The following KCNMA1 variants were observed in gnomAD, a reference collection of about 807,000 sequenced individuals.
KCNMA1 encodes potassium calcium-activated channel subfamily M alpha 1.
Under a neutral mutation model 140.0 loss-of-function variants are expected in KCNMA1, and 29 were observed. The ratio of observed to expected loss-of-function variants is 0.21; its 90% CI spans 0.15 to 0.28. The LOEUF (loss-of-function observed/expected upper bound fraction) is 0.28. Among genes scored for constraint, KCNMA1 ranks in the 10% least tolerant of loss-of-function variants. The pLI is 1.00. For synonymous variants in KCNMA1, 612 were observed against 611.9 expected (o/e 1.00, Z 0.00); for missense variants, 880 against 1,602.2 (o/e 0.55, Z 7.70).
chr10:77,436,994 ACAC>A (rs1566843486), intron 1 of KCNMA1, among the ~76,000 whole-genome samples: 68 of 126,712 alleles, frequency 5.4e-4, no homozygotes, highest in African/African-American at 1.1e-3. Context: ...ACACACACAC[ACAC>A]TCCTTCAGCC....
At chr10:77,550,991 C>T (rs553158634) in intron 1 of KCNMA1, among the ~76,000 whole-genome samples, 3 of 152,066 alleles carry the variant, frequency 2.0e-5, no homozygotes, top group Admixed American at 6.5e-5. Context: ...GTGGGAAGAA[C>T]GCTATTCCTA....
intron 1 of KCNMA1, among the ~76,000 whole-genome samples, chr10:77,546,259 T>G (rs1158778681): frequency 2.0e-5 from 3 of 151,920 alleles, no homozygotes; most frequent in African/African-American, 7.3e-5. Context: ...CTCCTCTTCC[T>G]CCTCATCCTC....
chr10:77,022,921 T>C (rs1323580287), intron 16 of KCNMA1: 2 of 455,238 alleles, frequency 4.4e-6, no homozygotes, highest in East Asian at 7.0e-5. Context: ...TATCCCAATA[T>C]GTAAACAGCC....
chr10:77,252,223 A>G (rs2154253017), intron 2 of KCNMA1, among the ~76,000 whole-genome samples: 1 of 152,346 alleles, frequency 6.6e-6, no homozygotes, highest in African/African-American at 2.4e-5. Flanking sequence ...TCCTCAGTAC[A>G]CATTCTACTT....
At chr10:77,414,350 T>C (rs979832985) in intron 1 of KCNMA1, among the ~76,000 whole-genome samples, 1 of 152,090 alleles carries the variant, frequency 6.6e-6, no homozygotes, top group South Asian at 2.1e-4. Context: ...TGCTCTCCCA[T>C]TCCCTGAGGA....
intron 2 of KCNMA1, among the ~76,000 whole-genome samples, chr10:77,278,005 T>C (rs958725994): frequency 6.6e-6 from 1 of 152,206 alleles, no homozygotes; most frequent in African/African-American, 2.4e-5. Context: ...GCAGCTCAAA[T>C]CCAAAAATGA....
chr10:77,467,637 G>A (rs754787891), intron 1 of KCNMA1, among the ~76,000 whole-genome samples: 12 of 152,214 alleles, frequency 7.9e-5, no homozygotes, highest in East Asian at 1.9e-4. Flanking sequence ...AAGCCAACTC[G>A]AGGTCAAGGT....
chr10:77,012,440 T>C (rs1237291863), intron 17 of KCNMA1: 5 of 1,549,590 alleles, frequency 3.2e-6, no homozygotes, highest in African/African-American at 2.7e-5. Context: ...CACAGTCTGG[T>C]CAAATATATA....
intron 1 of KCNMA1, among the ~76,000 whole-genome samples, chr10:77,479,490 G>T (rs2098342160): frequency 6.6e-6 from 1 of 152,180 alleles, no homozygotes; most frequent in South Asian, 2.1e-4. Flanking sequence ...CCTCCCCAAA[G>T]ACTCTCTGGC....
chr10:77,036,752 G>A (rs936538268), intron 15 of KCNMA1, among the ~76,000 whole-genome samples: 2 of 152,200 alleles, frequency 1.3e-5, no homozygotes, highest in East Asian at 3.9e-4. Context: ...TCTAATTACG[G>A]CTGTGCTTTA....
chr10:77,584,575 T>A (rs979557170), intron 1 of KCNMA1, among the ~76,000 whole-genome samples: 11 of 152,126 alleles, frequency 7.2e-5, no homozygotes, highest in Admixed American at 2.0e-4. Flanking sequence ...GCCAGGGTGG[T>A]CTCGATCTCT....
chr10:77,518,634 G>C (rs1380181714), intron 1 of KCNMA1, among the ~76,000 whole-genome samples: 1 of 152,212 alleles, frequency 6.6e-6, no homozygotes. Flanking sequence ...AGGCCTGGGT[G>C]TGGTGCCAGC....
rs2096178542 is a variant in KCNMA1 at position 77,070,886 on chromosome 10, A to AT, written c.1749+2210dup. ...CATCTCTATTTTAGCTGAGAAAAAT[A>AT]TATGAGGGGAAGGCTTGTGATTTCC... On this transcript the variant is annotated intron_variant, in intron 14 of 27. Transcript: ENST00000286628. Among the ~76,000 whole-genome samples, 3 of 152,338 alleles carry AT rather than the reference A, an allele frequency of 2.0e-5. No homozygotes were observed. The South Asian group carries it at 6.2e-4, about 32-fold the overall frequency.
chr10:77,217,977 C>T (rs1330847591), intron 3 of KCNMA1, among the ~76,000 whole-genome samples: 2 of 152,114 alleles, frequency 1.3e-5, no homozygotes, highest in Non-Finnish European at 2.9e-5. Flanking sequence ...ATAGCCATTT[C>T]CATAATACTT....
intron 1 of KCNMA1, among the ~76,000 whole-genome samples, chr10:77,412,601 G>A (rs1186950143): frequency 6.6e-6 from 1 of 152,200 alleles, no homozygotes; most frequent in Non-Finnish European, 1.5e-5. Context: ...AGAGGGGGTG[G>A]TGAGTTAAAT....
chr10:77,090,841 C>T (rs746430022), intron 9 of KCNMA1: 1 of 384,144 alleles, frequency 2.6e-6, no homozygotes, highest in Non-Finnish European at 4.9e-6. Context: ...ATTATCAAGT[C>T]CCTTGCAGAT....
At chr10:77,225,906 A>G (rs528756410) in intron 3 of KCNMA1, among the ~76,000 whole-genome samples, 3 of 152,076 alleles carry the variant, frequency 2.0e-5, no homozygotes, top group African/African-American at 4.8e-5. Flanking sequence ...AAACAATCCA[A>G]TGATGCTACC....
At chr10:76,918,646 G>A (rs1404838592) in intron 23 of KCNMA1, among the ~76,000 whole-genome samples, 1 of 152,182 alleles carries the variant, frequency 6.6e-6, no homozygotes, top group Admixed American at 6.5e-5. Context: ...TGGCGGCAAT[G>A]TAAACTACTA....
At chr10:77,160,745 C>T (rs572361373) in intron 5 of KCNMA1, among the ~76,000 whole-genome samples, 1 of 152,346 alleles carries the variant, frequency 6.6e-6, no homozygotes, top group African/African-American at 2.4e-5. Flanking sequence ...AGTTGAACAG[C>T]TGTGGAAATG....
Sources: gnomAD v4.1 joint callset for allele counts (sites outside exome capture counted in the v4.1 genomes callset) on GRCh38, gnomAD v4.1.1 for gene constraint, MANE v1.5 for transcripts, NCBI Gene and HGNC (gene_info 2026-07-23, HGNC 2026-07-21) for gene names.